The following ARMH4 variants were observed in gnomAD, a reference collection of about 807,000 sequenced individuals.
The protein encoded by ARMH4 is armadillo-like helical domain-containing protein 4.
A neutral mutation model predicts 61.9 loss-of-function variants in ARMH4; 49 were observed. That is an observed-to-expected ratio of 0.79 (90% CI 0.63 to 1.00). The LOEUF (loss-of-function observed/expected upper bound fraction) is 1.00. Ranked by LOEUF, ARMH4 falls within the 50% of genes least tolerant of loss-of-function variation. The pLI is 0.00. For missense variants in ARMH4, 934 were observed against 930.0 expected (o/e 1.00, Z -0.06); for synonymous variants, 368 against 341.5 (o/e 1.08, Z -0.85).
At chr14:58,127,478 A>T (rs896169441) in intron 4 of ARMH4, among the ~76,000 whole-genome samples, 10 of 152,176 alleles carry the variant, frequency 6.6e-5, no homozygotes, top group Admixed American at 2.0e-4. Context: ...GCCATGTGGA[A>T]CCTCTTTCAC....
intron 4 of ARMH4, among the ~76,000 whole-genome samples, chr14:58,118,308 A>C (rs534610442): frequency 3.9e-5 from 6 of 152,258 alleles, no homozygotes; most frequent in African/African-American, 1.4e-4. Context: ...ACTGGGATGG[A>C]ATTTTCTCTG....
chr14:58,028,023 T>G (rs956204283), intron 5 of ARMH4, among the ~76,000 whole-genome samples: 4 of 152,192 alleles, frequency 2.6e-5, no homozygotes, highest in African/African-American at 9.7e-5. Flanking sequence ...TCCCCTTTTT[T>G]AATCCCTTAA....
intron 5 of ARMH4, among the ~76,000 whole-genome samples, chr14:58,088,027 T>C (rs1267154376): frequency 1.3e-5 from 2 of 152,174 alleles, no homozygotes; most frequent in East Asian, 3.8e-4. Flanking sequence ...GCGAGAACAG[T>C]TGGGAATGAG....
intron 4 of ARMH4, among the ~76,000 whole-genome samples, chr14:58,108,425 ACT>A (rs1418775585): frequency 6.6e-6 from 1 of 152,200 alleles, no homozygotes; most frequent in Non-Finnish European, 1.5e-5. Flanking sequence ...AGTTATTAAT[ACT>A]GTTACACCTA....
Position 58,004,654 on chromosome 14 carries a change from G to A in ARMH4, c.*82C>T. 8.3e-7 allele frequency: 1 copy of A among 1,203,398 alleles called. No homozygotes were observed. Among genetic ancestry groups the A allele is most frequent in the East Asian group, 2.4e-5 (1 of 42,520 alleles). The allele number at this position is 1,203,398 out of a possible 1,614,324, so 74.5% of individuals were successfully genotyped here. A position where few individuals can be genotyped will look rare whatever the true frequency, so the allele number is the denominator to read the frequency against. ...CGGCCTGATAGCAGCAATGTGGCAG[G>A]TTGTTCTTTTTTTTTTTCTGCTCCA... On this transcript the variant is annotated 3_prime_UTR_variant, in exon 8 of 8. Coordinates refer to ENST00000267485, the MANE Select transcript of ARMH4 (RefSeq NM_001001872.4).
At chr14:58,041,712 G>C (rs1235952958) in intron 5 of ARMH4, among the ~76,000 whole-genome samples, 1 of 152,092 alleles carries the variant, frequency 6.6e-6, no homozygotes, top group Non-Finnish European at 1.5e-5. Context: ...CTCATGTGCA[G>C]AGACACACAT....
chr14:58,105,701 A>AAAAGAAAGAAAGAAGGAAATAATTGATT (rs1886148502), intron 4 of ARMH4, among the ~76,000 whole-genome samples: 1 of 152,064 alleles, frequency 6.6e-6, no homozygotes, highest in Non-Finnish European at 1.5e-5. Context: ...AAAAAAAAAA[A>AAAAGAAAGAAAGAAGGAAATAATTGATT]AAAGAAAGAA....
intron 4 of ARMH4, chr14:58,116,111 G>C (rs978534347): frequency 1.3e-5 from 2 of 152,710 alleles, no homozygotes; most frequent in African/African-American, 4.8e-5. Flanking sequence ...AATTTATTCA[G>C]TTCTCTCCTT....
intron 5 of ARMH4, among the ~76,000 whole-genome samples, chr14:58,035,090 A>G (rs1175127205): frequency 6.8e-6 from 1 of 147,950 alleles, no homozygotes; most frequent in East Asian, 2.0e-4. Flanking sequence ...CCCCAAATCA[A>G]CAGAATATAC....
intron 1 of ARMH4, among the ~76,000 whole-genome samples, chr14:58,143,002 G>C (rs1212239596): frequency 6.6e-6 from 1 of 152,194 alleles, no homozygotes; most frequent in Non-Finnish European, 1.5e-5. Context: ...AATGGGTCCA[G>C]CAGCCCCAGT....
At chr14:58,111,103 T>C (rs1008975199) in intron 4 of ARMH4, among the ~76,000 whole-genome samples, 3 of 152,170 alleles carry the variant, frequency 2.0e-5, no homozygotes, top group African/African-American at 7.2e-5. Context: ...AAATATTTCA[T>C]GTGTGATTGA....
chr14:58,052,080 A>C (rs1884163275), intron 5 of ARMH4, among the ~76,000 whole-genome samples: 1 of 151,820 alleles, frequency 6.6e-6, no homozygotes, highest in Admixed American at 6.6e-5. Context: ...TCATCTCCCA[A>C]CCAGATTAGG....
intron 5 of ARMH4, among the ~76,000 whole-genome samples, chr14:58,094,100 C>T (rs994490727): frequency 6.6e-6 from 1 of 151,914 alleles, no homozygotes; most frequent in Non-Finnish European, 1.5e-5. Context: ...GAGGCCACGG[C>T]GGGCAGATCA....
intron 4 of ARMH4, among the ~76,000 whole-genome samples, chr14:58,107,784 AAT>A (rs1173436409): frequency 2.4e-4 from 35 of 147,096 alleles, no homozygotes; most frequent in African/African-American, 8.2e-4. Flanking sequence ...AAAAAAAAAA[AAT>A]TAGCCCATGT....
chr14:58,028,147 T>C (rs752320848), intron 5 of ARMH4, among the ~76,000 whole-genome samples: 9 of 152,148 alleles, frequency 5.9e-5, no homozygotes, highest in Non-Finnish European at 1.2e-4. Flanking sequence ...CTTGGCCAGG[T>C]TCTTAAGATG....
intron 6 of ARMH4, among the ~76,000 whole-genome samples, chr14:58,007,985 A>T (rs571229323): frequency 6.6e-6 from 1 of 152,364 alleles, no homozygotes; most frequent in Non-Finnish European, 1.5e-5. Flanking sequence ...TTAAAGAAAC[A>T]TGACAACTAA....
At chr14:58,006,695 G>A (rs1212645605) in intron 6 of ARMH4, among the ~76,000 whole-genome samples, 1 of 151,018 alleles carries the variant, frequency 6.6e-6, no homozygotes, top group Non-Finnish European at 1.5e-5. Flanking sequence ...TCACTCATAG[G>A]TGGGAACTGA....
chr14:58,006,322 C>G (rs10134957), intron 6 of ARMH4, among the ~76,000 whole-genome samples: 2,405 of 152,272 alleles, frequency 0.016, 71 homozygotes, highest in African/African-American at 0.053. Flanking sequence ...ATTTATATGA[C>G]TATTTTTTAA....
At chr14:58,043,549 C>A (rs940122128) in intron 5 of ARMH4, among the ~76,000 whole-genome samples, 1 of 152,134 alleles carries the variant, frequency 6.6e-6, no homozygotes, top group Non-Finnish European at 1.5e-5. Context: ...TGGCACAAGA[C>A]AGGGATGTCC....
Sources: allele counts gnomAD v4.1 joint callset (sites outside exome capture counted in the v4.1 genomes callset), GRCh38; gene constraint gnomAD v4.1.1; transcripts MANE v1.5; gene names NCBI Gene and HGNC (gene_info 2026-07-23, HGNC 2026-07-21).